Variants in DCUN1D3 observed in about 807,000 individuals in gnomAD.
The protein encoded by DCUN1D3 is defective in cullin neddylation 1 domain containing 3.
In DCUN1D3, 6 loss-of-function variants were observed where a neutral mutation model predicts 24.8. The observed-to-expected ratio is 0.24, with a 90% confidence interval of 0.13 to 0.48. The LOEUF (loss-of-function observed/expected upper bound fraction) is 0.48, where lower values mean the gene tolerates loss of function less well. Among genes scored for constraint, DCUN1D3 ranks in the 20% least tolerant of loss-of-function variants. The pLI is 0.99. For synonymous variants in DCUN1D3, 120 were observed against 144.9 expected, an observed-to-expected ratio of 0.83 and a Z score of 1.24; for missense variants, 258 against 379.4, an observed-to-expected ratio of 0.68 and a Z score of 2.66.
chr16:20,865,278 T>C (rs4783508), intron 1 of DCUN1D3, among the ~76,000 whole-genome samples: 95,698 of 152,028 alleles, frequency 0.63, 31,107 homozygotes, highest in Non-Finnish European at 0.72. Flanking sequence ...AATACAATCT[T>C]TAAATGGTAG....
chr16:20,877,416 T>C (rs2081821499), intron 1 of DCUN1D3, among the ~76,000 whole-genome samples: 1 of 152,202 alleles, frequency 6.6e-6, no homozygotes, highest in Non-Finnish European at 1.5e-5. Context: ...CTTACAACTC[T>C]GTGAAATTCT....
At chr16:20,873,522 G>A (rs2081799912) in intron 1 of DCUN1D3, among the ~76,000 whole-genome samples, 1 of 152,216 alleles carries the variant, frequency 6.6e-6, no homozygotes, top group African/African-American at 2.4e-5. Flanking sequence ...AGACTAACAT[G>A]GGCTGTCAAG....
chr16:20,886,987 G>A (rs960494708), intron 1 of DCUN1D3, among the ~76,000 whole-genome samples: 1 of 152,200 alleles, frequency 6.6e-6, no homozygotes, highest in Non-Finnish European at 1.5e-5. Context: ...GGTGTGATAT[G>A]ATAGTTATGT....
chr16:20,868,858 C>T (rs1284106705), intron 1 of DCUN1D3: 1 of 152,178 alleles, frequency 6.6e-6, no homozygotes, highest in African/African-American at 2.4e-5. Flanking sequence ...AACTTCTAGG[C>T]TTTTTTTCTT....
intron 1 of DCUN1D3, among the ~76,000 whole-genome samples, chr16:20,870,144 G>A (rs566803848): frequency 6.7e-4 from 102 of 152,242 alleles, no homozygotes; most frequent in African/African-American, 2.4e-3. Context: ...TGAGAGGTCT[G>A]GGTTAGTCTT....
intron 1 of DCUN1D3, among the ~76,000 whole-genome samples, chr16:20,880,130 T>G (rs1376118592): frequency 2.0e-5 from 3 of 152,186 alleles, no homozygotes; most frequent in Non-Finnish European, 4.4e-5. Flanking sequence ...CTATCGTGCG[T>G]CCAAGGCTTA....
chr16:20,870,176 A>G lies in DCUN1D3; in HGVS notation c.-105-7533T>C, dbSNP rs375391417. Among the ~76,000 whole-genome samples, 54 of 152,300 alleles carry G rather than the reference A, an allele frequency of 3.5e-4. 1 individual carries two copies. The South Asian group carries it at 0.011, about 31-fold the overall frequency. ...TCTTTCCAAGGTCTAATATTCTGGG[A>G]CTACTTCACCTTTTTTGGCATTCAG... On this transcript the variant is annotated intron_variant, in intron 1 of 2. Coordinates refer to ENST00000324344, the MANE Select transcript of DCUN1D3 (RefSeq NM_173475.4).
chr16:20,899,640 G>A (rs564416047), intron 1 of DCUN1D3, among the ~76,000 whole-genome samples: 1 of 152,230 alleles, frequency 6.6e-6, no homozygotes, highest in South Asian at 2.1e-4. Context: ...GGGTGTGGTG[G>A]AGGAACAAAC....
At chr16:20,877,258 TG>T (rs1301983410) in intron 1 of DCUN1D3, among the ~76,000 whole-genome samples, 3 of 151,696 alleles carry the variant, frequency 2.0e-5, no homozygotes, top group African/African-American at 7.3e-5. Context: ...AGTTCTGCGA[TG>T]AAAAAAAAAA....
At chr16:20,875,609 CTA>C (rs1702263809) in intron 1 of DCUN1D3, among the ~76,000 whole-genome samples, 1 of 152,162 alleles carries the variant, frequency 6.6e-6, no homozygotes, top group Admixed American at 6.5e-5. Context: ...CTCTCTCACA[CTA>C]TATACAAAAA....
At chr16:20,895,303 G>A (rs925231921) in intron 1 of DCUN1D3, among the ~76,000 whole-genome samples, 9 of 152,000 alleles carry the variant, frequency 5.9e-5, no homozygotes, top group Non-Finnish European at 1.0e-4. Flanking sequence ...ACTATCTTGC[G>A]TAGGCTGGAC....
chr16:20,888,833 T>G (rs549891291), intron 1 of DCUN1D3, among the ~76,000 whole-genome samples: 2 of 152,332 alleles, frequency 1.3e-5, no homozygotes, highest in South Asian at 4.1e-4. Context: ...ACACCTGTAA[T>G]CCCTGCACTT....
chr16:20,884,329 G>A (rs2081858831), intron 1 of DCUN1D3, among the ~76,000 whole-genome samples: 1 of 152,170 alleles, frequency 6.6e-6, no homozygotes, highest in Non-Finnish European at 1.5e-5. Context: ...TTCCCAAGAA[G>A]AGAAGAAAAC....
At chr16:20,874,821 A>T (rs530605965) in intron 1 of DCUN1D3, among the ~76,000 whole-genome samples, 2 of 149,122 alleles carry the variant, frequency 1.3e-5, no homozygotes, top group African/African-American at 4.9e-5. Context: ...TTAGGCTTTG[A>T]TTTTTTTTTT....
At chr16:20,866,739 T>A (rs558626661) in intron 1 of DCUN1D3, among the ~76,000 whole-genome samples, 20 of 152,326 alleles carry the variant, frequency 1.3e-4, no homozygotes, top group Admixed American at 7.8e-4. Flanking sequence ...CTGGTCTCTT[T>A]CTTTGAAATG....
intron 1 of DCUN1D3, among the ~76,000 whole-genome samples, chr16:20,878,232 T>C (rs549144471): frequency 2.6e-5 from 4 of 152,218 alleles, no homozygotes; most frequent in Non-Finnish European, 5.9e-5. Context: ...TCAGATAATG[T>C]GATACAAACA....
Position 20,889,257 on chromosome 16 carries a change from TG to T in DCUN1D3, c.-106+10946del, listed in dbSNP as rs1348417633. On this transcript the variant is annotated intron_variant, in intron 1 of 2. Coordinates refer to ENST00000324344, the MANE Select transcript of DCUN1D3 (RefSeq NM_173475.4). ...AAAAAAAAAAATTAGCCAGGCGTGG[TG>T]GCACATGCCTGTAATCCCAACTACT... Among the ~76,000 whole-genome samples the T allele has an allele frequency of 5.4e-5, 8 of 149,114 alleles. No homozygotes were observed. The South Asian group carries it at 6.3e-4, about 12-fold the overall frequency.
At chr16:20,864,162 A>G (rs2081748012) in intron 1 of DCUN1D3, among the ~76,000 whole-genome samples, 1 of 152,332 alleles carries the variant, frequency 6.6e-6, no homozygotes, top group Non-Finnish European at 1.5e-5. Context: ...CTGCACAGCA[A>G]AAGAAACTAT....
chr16:20,876,433 G>GA (rs35457469), intron 1 of DCUN1D3, among the ~76,000 whole-genome samples: 178 of 140,192 alleles, frequency 1.3e-3, no homozygotes, highest in East Asian at 4.2e-3. Context: ...AAATGGTTAT[G>GA]AAAAAAAAAA....
Sources: allele counts gnomAD v4.1 joint callset (sites outside exome capture counted in the v4.1 genomes callset), GRCh38; gene constraint gnomAD v4.1.1; transcripts MANE v1.5; gene names NCBI Gene and HGNC (gene_info 2026-07-23, HGNC 2026-07-21).